GALK2: variants seen among roughly 807,000 people sequenced by gnomAD.
GALK2 encodes galactokinase 2, also known as N-acetylgalactosamine kinase.
GALK2 carries 36 observed loss-of-function variants against 52.4 expected under a neutral mutation model. The ratio of observed to expected loss-of-function variants is 0.69; its 90% confidence interval spans 0.53 to 0.91. The LOEUF (loss-of-function observed/expected upper bound fraction) is 0.91, where lower values mean the gene tolerates loss of function less well. Ranked by LOEUF, GALK2 falls within the 40% of genes least tolerant of loss-of-function variation. GALK2 has a pLI of 0.00. For missense variants in GALK2, 579 were observed against 559.1 expected, an observed-to-expected ratio of 1.04 and a Z score of -0.36; for synonymous variants, 176 against 199.1, an observed-to-expected ratio of 0.88 and a Z score of 0.98.
intron 5 of GALK2, among the ~76,000 whole-genome samples, chr15:49,248,835 G>A (rs2091469349): frequency 6.6e-6 from 1 of 152,018 alleles, no homozygotes. Flanking sequence ...TACCTTTAGC[G>A]TAAACGAAGG....
intron 2 of GALK2, among the ~76,000 whole-genome samples, chr15:49,201,721 T>C (rs2087790150): frequency 6.6e-6 from 1 of 152,220 alleles, no homozygotes. Context: ...CTTTTAGTGG[T>C]AAATAACACA....
chr15:49,296,718 G>A (rs2034512145), intron 8 of GALK2, among the ~76,000 whole-genome samples: 11 of 151,978 alleles, frequency 7.2e-5, no homozygotes, highest in Admixed American at 7.2e-4. Flanking sequence ...TCCTGCCACA[G>A]CCTCCCGAGT....
chr15:49,254,997 CT>C (rs915300995), intron 5 of GALK2, among the ~76,000 whole-genome samples: 3 of 143,528 alleles, frequency 2.1e-5, no homozygotes, highest in South Asian at 2.3e-4. Flanking sequence ...TTTCTCTCTA[CT>C]TTTTTTTCTG....
At chr15:49,265,453 G>A (rs898393877) in intron 5 of GALK2, among the ~76,000 whole-genome samples, 5 of 152,224 alleles carry the variant, frequency 3.3e-5, no homozygotes, top group South Asian at 2.1e-4. Flanking sequence ...GGAGTGATGC[G>A]ATTTTCCAGG....
At chr15:49,361,140 A>G (rs1024812183) in intron 3 of GALK2, among the ~76,000 whole-genome samples, 1 of 152,208 alleles carries the variant, frequency 6.6e-6, no homozygotes, top group Non-Finnish European at 1.5e-5. Flanking sequence ...CAATGTATAC[A>G]TATATCATAA....
intron 5 of GALK2, among the ~76,000 whole-genome samples, chr15:49,252,944 A>G (rs1272372717): frequency 6.9e-6 from 1 of 144,048 alleles, no homozygotes; most frequent in Non-Finnish European, 1.6e-5. Context: ...TCTTTTATTG[A>G]TCACTTGCAT....
chr15:49,185,595 G>A (rs559246325), intron 1 of GALK2: 2 of 152,262 alleles, frequency 1.3e-5, no homozygotes, highest in East Asian at 3.9e-4. Flanking sequence ...GTGTATAAAT[G>A]TCCCCTTTTT....
chr15:49,168,626 G>A (rs113118167), upstream of GALK2, among the ~76,000 whole-genome samples: 1 of 151,702 alleles, frequency 6.6e-6, no homozygotes, highest in Non-Finnish European at 1.5e-5. Flanking sequence ...GCTGAGACGG[G>A]AGAATCGTTT....
At chr15:49,198,190 T>C (rs1595618105) in intron 1 of GALK2, among the ~76,000 whole-genome samples, 1 of 152,200 alleles carries the variant, frequency 6.6e-6, no homozygotes, top group East Asian at 1.9e-4. Flanking sequence ...GTTGTTGTTG[T>C]TGAGATGGAG....
intron 3 of GALK2, among the ~76,000 whole-genome samples, chr15:49,230,981 A>G (rs1039337624): frequency 2.6e-5 from 4 of 152,168 alleles, no homozygotes; most frequent in African/African-American, 9.7e-5. Context: ...GCAAAGATCA[A>G]TAACTAATCA....
intron 5 of GALK2, among the ~76,000 whole-genome samples, chr15:49,281,495 A>G (rs376900385): frequency 7.2e-5 from 11 of 152,226 alleles, no homozygotes; most frequent in African/African-American, 2.7e-4. Flanking sequence ...AGATGACACC[A>G]GTTCTGATTC....
rs1161565186 is a variant in GALK2, at chr15:49,329,824, G to C, written c.*1665G>C. On this transcript the variant is annotated 3_prime_UTR_variant, in exon 10 of 10. Coordinates refer to ENST00000560031, the MANE Select transcript of GALK2 (RefSeq NM_002044.4). ...ATCAGTGTAAAAAAAAAAAAAAAAAGGCACCTGTCATTGTTTTGCTGTTCC... is the reference window on the plus strand; with the variant it reads ...ATCAGTGTAAAAAAAAAAAAAAAAACGCACCTGTCATTGTTTTGCTGTTCC... The C allele has an allele frequency of 2.7e-5, 11 of 404,372 alleles. No homozygotes were observed. Among genetic ancestry groups the C allele is most frequent in the Admixed American group, 6.8e-5 (1 of 14,706 alleles). The allele number at this position is 404,372 out of a possible 1,614,324, so 25.0% of individuals were successfully genotyped here.
chr15:49,317,859 T>G (rs775373725), intron 8 of GALK2, among the ~76,000 whole-genome samples: 1 of 151,974 alleles, frequency 6.6e-6, no homozygotes, highest in Non-Finnish European at 1.5e-5. Flanking sequence ...AGTTGAACAA[T>G]GGACACATGG....
intron 9 of GALK2, among the ~76,000 whole-genome samples, chr15:49,321,484 T>C (rs1280626471): frequency 6.6e-6 from 1 of 152,160 alleles, no homozygotes; most frequent in African/African-American, 2.4e-5. Flanking sequence ...AATTGCTGTG[T>C]GGGTATAAGA....
At chr15:49,357,807 T>TC (rs1264244553) in intron 3 of GALK2, among the ~76,000 whole-genome samples, 1 of 152,042 alleles carries the variant, frequency 6.6e-6, no homozygotes, top group East Asian at 1.9e-4. Flanking sequence ...TAGACCAATA[T>TC]CCTTGATGAA....
At position 49,234,875 on chromosome 15, in the gene GALK2, T is replaced by A. The variant is rs182005965; in HGVS notation, c.267-976T>A. Among the ~76,000 whole-genome samples the A allele has an allele frequency of 6.4e-3, 978 of 152,224 alleles. 15 individuals carry two copies. The highest frequency in any genetic ancestry group is 0.022 in the African/African-American group (922 of 41,522). ...TCTACCTCCCGGGTTCAAGCGATTC[T>A]TCTGCCTCAGCCTCCTGAGTAGCTG... On this transcript the variant is annotated intron_variant, in intron 3 of 9. Transcript: ENST00000560031.
chr15:49,357,320 A>C lies in GALK2; in HGVS notation c.427-10171A>C, dbSNP rs1478701012. ...AGCTGGTTTTTTGAAAGGATCAACA[A>C]AATTGATAGACCGCTAGCAAGACTA... On this transcript the variant is annotated intron_variant, in intron 3 of 3. Transcript: ENST00000558399. Among the ~76,000 whole-genome samples, 882 of 148,280 alleles carry C rather than the reference A, an allele frequency of 5.9e-3. 6 individuals carry two copies. The highest frequency in any genetic ancestry group is 0.02 in the African/African-American group (791 of 40,492).
At chr15:49,210,101 T>G (rs2088697761) in intron 2 of GALK2, among the ~76,000 whole-genome samples, 1 of 152,188 alleles carries the variant, frequency 6.6e-6, no homozygotes, top group Non-Finnish European at 1.5e-5. Flanking sequence ...GTCCTTTAGG[T>G]TTTGCAATTT....
At chr15:49,287,286 A>C (rs2033472820) in intron 7 of GALK2, among the ~76,000 whole-genome samples, 1 of 152,230 alleles carries the variant, frequency 6.6e-6, no homozygotes, top group Non-Finnish European at 1.5e-5. Flanking sequence ...ACACTGTTTT[A>C]AATACTCTGA....
Sources: allele counts gnomAD v4.1 joint callset (sites outside exome capture counted in the v4.1 genomes callset), GRCh38; gene constraint gnomAD v4.1.1; transcripts MANE v1.5; gene names NCBI Gene and HGNC (gene_info 2026-07-23, HGNC 2026-07-21).